The following TNS3 variants were observed in gnomAD, a reference collection of about 807,000 sequenced individuals.
TNS3 encodes the protein tensin-3.
Under a neutral mutation model 140.9 loss-of-function variants are expected in TNS3, and 45 were observed. The ratio of observed to expected loss-of-function variants is 0.32; its 90% CI spans 0.25 to 0.41. The LOEUF is 0.41. TNS3 is among the 10% of genes least tolerant of loss of function. The pLI is 1.00. For synonymous variants in TNS3, 815 were observed against 788.4 expected, an observed-to-expected ratio of 1.03 and a Z score of -0.56; for missense variants, 1,716 against 1,906.7, an observed-to-expected ratio of 0.90 and a Z score of 1.86.
At chr7:47,482,725 G>C (rs1294863947) in intron 3 of TNS3, among the ~76,000 whole-genome samples, 1 of 151,064 alleles carries the variant, frequency 6.6e-6, no homozygotes, top group African/African-American at 2.4e-5. Flanking sequence ...TTCCTGCAAT[G>C]GCATGTCAAG....
intron 1 of TNS3, chr7:47,538,934 T>C (rs1799702288): frequency 4.6e-6 from 2 of 435,164 alleles, no homozygotes; most frequent in Non-Finnish European, 9.4e-6. Context: ...TGTATCGTAT[T>C]CATTCCAGAT....
intron 1 of TNS3, among the ~76,000 whole-genome samples, chr7:47,545,141 A>ATTTTT (rs34499360): frequency 1.6e-5 from 2 of 121,966 alleles, no homozygotes; most frequent in Non-Finnish European, 1.7e-5. Context: ...GTAAGAGGGC[A>ATTTTT]TTTTTTTTTT....
Position 47,358,630 on chromosome 7 carries a change from G to A in TNS3, c.2281+9735C>T, listed in dbSNP as rs531177477. On this transcript the variant is annotated intron_variant, in intron 17 of 30. Transcript: ENST00000311160. The stretch of plus-strand genomic sequence containing the variant: ...AGCCGTGGGAGCCGGCAGTGCTCTC[G>A]GGAGTGTCGGCAGCCTTGGGTGCAC... Among the ~76,000 whole-genome samples the A allele has an allele frequency of 5.9e-5, 9 of 152,346 alleles. No individual in the cohort carries two copies. In the East Asian group the frequency reaches 7.7e-4, roughly 13 times the overall value.
intron 1 of TNS3, chr7:47,579,756 C>G: frequency 1.4e-6 from 1 of 700,382 alleles, no homozygotes; most frequent in Non-Finnish European, 1.8e-6. Context: ...GTATTTTACT[C>G]ATCTGTAAAA....
At position 47,303,403 on chromosome 7, in the gene TNS3, G is replaced by C. The variant is rs758457804; in HGVS notation, c.3004C>G (p.Leu1002Val). 9 of 1,613,702 alleles carry C rather than the reference G, an allele frequency of 5.6e-6. No homozygotes were observed. In the African/African-American group the frequency reaches 1.1e-4, roughly 19 times the overall value. The change falls in exon 22 of 31, where the codon CTG (leucine) becomes GTG (valine). Residue 1002 changes from leucine (L) to valine (V), a missense_variant. Leu to Val is a conservative substitution (Grantham distance 32, BLOSUM62 1). This residue lies in a region of TNS3 where 1,163 missense variants were observed against 1,182.1 expected (regional missense o/e 0.98). Coordinates refer to ENST00000311160, the MANE Select transcript of TNS3 (RefSeq NM_022748.12). ...GAGTCCGGTGGCTCTGCTAGGGACA[G>C]CTCATGGCTGTGGAAAGGAGCCTGG... ...ELQAPFHSHE[L>V]SLAEPPDSLA...
chr7:47,276,321 T>G lies in TNS3; in HGVS notation c.*1755A>C, dbSNP rs1468927097. ...TTTCACACACGCATACACGCACGCA[T>G]GCACACACGCACACACACACAACAC... On this transcript the variant is annotated 3_prime_UTR_variant, in exon 31 of 31. Coordinates refer to ENST00000311160, the MANE Select transcript of TNS3 (RefSeq NM_022748.12). 1 of 160,808 alleles carries G rather than the reference T, an allele frequency of 6.2e-6. No homozygotes were observed. Among genetic ancestry groups the G allele is most frequent in the South Asian group, 1.8e-4 (1 of 5,602 alleles). 10.0% of individuals were successfully genotyped at this position (160,808 alleles called of 1,614,324 possible).
chr7:47,401,179 C>T (rs974107035), intron 13 of TNS3, among the ~76,000 whole-genome samples: 19 of 152,316 alleles, frequency 1.2e-4, no homozygotes, highest in Non-Finnish European at 2.4e-4. Flanking sequence ...CCTGTGGAAC[C>T]GCAGCTCTGA....
chr7:47,571,092 A>G (rs1254815428), intron 1 of TNS3, among the ~76,000 whole-genome samples: 6 of 152,176 alleles, frequency 3.9e-5, no homozygotes, highest in African/African-American at 1.4e-4. Context: ...GGGGGGCCCA[A>G]CGTGGAGGAA....
At chr7:47,414,029 A>G (rs994450240) in intron 11 of TNS3, 32 bp from the exon 12 acceptor site, 6 of 1,605,868 alleles carry the variant, frequency 3.7e-6, no homozygotes, top group South Asian at 2.2e-5. Context: ...CTGTAGAGGC[A>G]TGACCGGTAC....
At chr7:47,443,000 T>A (rs1298106744) in intron 4 of TNS3, among the ~76,000 whole-genome samples, 1 of 152,180 alleles carries the variant, frequency 6.6e-6, no homozygotes, top group Admixed American at 6.5e-5. Context: ...GATGTTTTCC[T>A]GAAATCATAC....
At chr7:47,523,297 G>A (rs1383350221) in intron 2 of TNS3, among the ~76,000 whole-genome samples, 1 of 152,166 alleles carries the variant, frequency 6.6e-6, no homozygotes, top group Non-Finnish European at 1.5e-5. Context: ...ACCATCCCAT[G>A]GAGGGTTAGA....
intron 16 of TNS3, among the ~76,000 whole-genome samples, chr7:47,382,313 C>T (rs1791814046): frequency 1.3e-5 from 2 of 152,286 alleles, no homozygotes; most frequent in African/African-American, 4.8e-5. Flanking sequence ...TGTAAACGGG[C>T]TGCCATAAGC....
Position 47,575,125 on chromosome 7 carries a change from A to C in TNS3, c.-265+6926T>G, listed in dbSNP as rs530745314. ...GCATGACTAGCTACGATCTGCCCAAAGACCTATGTGCAAGCATAACACAGG... is the reference window on the plus strand; with the variant it reads ...GCATGACTAGCTACGATCTGCCCAACGACCTATGTGCAAGCATAACACAGG... On this transcript the variant is annotated intron_variant, in intron 1 of 30. Coordinates refer to ENST00000311160, the MANE Select transcript of TNS3 (RefSeq NM_022748.12). Among the ~76,000 whole-genome samples, 7 of 152,358 alleles carry C rather than the reference A, an allele frequency of 4.6e-5. No individual in the cohort carries two copies. In the South Asian group the frequency reaches 1.2e-3, roughly 27 times the overall value.
At chr7:47,488,979 C>A (rs78058229) in intron 3 of TNS3, among the ~76,000 whole-genome samples, 3,953 of 152,332 alleles carry the variant, frequency 0.026, 89 homozygotes, top group South Asian at 0.043. Context: ...AAAATGAGGA[C>A]ATTCGAGACT....
chr7:47,571,463 T>G (rs566495423), intron 1 of TNS3, among the ~76,000 whole-genome samples: 1 of 152,256 alleles, frequency 6.6e-6, no homozygotes, highest in East Asian at 1.9e-4. Flanking sequence ...TTCCTCTTGT[T>G]TGCTCAAAGC....
intron 17 of TNS3, among the ~76,000 whole-genome samples, chr7:47,364,883 C>T (rs1004212817): frequency 6.6e-6 from 1 of 152,186 alleles, no homozygotes; most frequent in African/African-American, 2.4e-5. Context: ...TTTTAAAAAG[C>T]TCTGGGGAGA....
chr7:47,389,169 CAGA>C (rs1272693166), intron 16 of TNS3, among the ~76,000 whole-genome samples: 2 of 78,830 alleles, frequency 2.5e-5, no homozygotes, highest in African/African-American at 4.9e-5. Context: ...GAAGAAGCAG[CAGA>C]AGCAGAAGAA....
chr7:47,372,288 C>A (rs1224251461), intron 16 of TNS3, among the ~76,000 whole-genome samples: 1 of 152,222 alleles, frequency 6.6e-6, no homozygotes, highest in African/African-American at 2.4e-5. Flanking sequence ...TCACAGATTT[C>A]ACGCTGCTAA....
At chr7:47,443,157 C>A (rs1405470223) in intron 4 of TNS3, among the ~76,000 whole-genome samples, 3 of 152,132 alleles carry the variant, frequency 2.0e-5, no homozygotes, top group African/African-American at 7.2e-5. Context: ...CATTGTTTTT[C>A]CCGGGAAAGC....
Sources: allele counts gnomAD v4.1 joint callset (sites outside exome capture counted in the v4.1 genomes callset), GRCh38; gene constraint gnomAD v4.1.1; regional missense constraint gnomAD v4.1.1; transcripts MANE v1.5; gene names NCBI Gene and HGNC (gene_info 2026-07-23, HGNC 2026-07-21).